Variants in ATP6V1C2 observed in about 807,000 individuals in gnomAD.
ATP6V1C2 encodes ATPase H+ transporting V1 subunit C2.
Under a neutral mutation model 56.8 loss-of-function variants are expected in ATP6V1C2, and 45 were observed. That is an observed-to-expected ratio of 0.79 (90% CI 0.62 to 1.02). The LOEUF is 1.02. Ranked by LOEUF, ATP6V1C2 falls within the 50% of genes least tolerant of loss-of-function variation. The probability of loss-of-function intolerance (pLI) is 0.00; values close to 1 mark genes in which losing one functional copy is unlikely to be tolerated. For synonymous variants in ATP6V1C2, 220 were observed against 201.3 expected, an observed-to-expected ratio of 1.09 and a Z score of -0.79; for missense variants, 463 against 519.7, an observed-to-expected ratio of 0.89 and a Z score of 1.06.
intron 3 of ATP6V1C2, among the ~76,000 whole-genome samples, chr2:10,744,676 T>C (rs1312226082): frequency 6.7e-6 from 1 of 148,592 alleles, no homozygotes; most frequent in Non-Finnish European, 1.5e-5. Flanking sequence ...TTTCTTTTTT[T>C]TTTTTTTTTT....
intron 4 of ATP6V1C2, among the ~76,000 whole-genome samples, chr2:10,758,448 G>T (rs1190296364): frequency 6.6e-6 from 1 of 152,048 alleles, no homozygotes; most frequent in Non-Finnish European, 1.5e-5. Flanking sequence ...ACTAGAGCTG[G>T]TAAAGCACAT....
intron 4 of ATP6V1C2, among the ~76,000 whole-genome samples, chr2:10,759,823 CAA>C (rs1156726648): frequency 1.3e-5 from 2 of 152,144 alleles, no homozygotes; most frequent in Non-Finnish European, 2.9e-5. Context: ...TATTATCTCA[CAA>C]TATCACTTTG....
chr2:10,785,028 TCCCTTAGGG>T lies in ATP6V1C2; in HGVS notation c.*1766_*1774del. The T allele has an allele frequency of 6.4e-7, 1 of 1,571,064 alleles. No individual in the cohort carries two copies. On this transcript the variant is annotated 3_prime_UTR_variant, in exon 14 of 14. Coordinates refer to ENST00000272238, the MANE Select transcript of ATP6V1C2 (RefSeq NM_001039362.2). ...CGTGGAGCCACGCCCAAAAGAGAGC[TCCCTTAGGG>T]AAAAATGACCAAAACACACACACAC... is the stretch of plus-strand genomic sequence containing the variant.
Position 10,763,596 on chromosome 2 carries a change from G to T in ATP6V1C2, c.284-735G>T, listed in dbSNP as rs1348234953. 6.6e-6 allele frequency among the ~76,000 whole-genome samples: 1 copy of T among 152,162 alleles called. No individual in the cohort carries two copies. Among genetic ancestry groups the T allele is most frequent in the Non-Finnish European group, 1.5e-5 (1 of 68,016 alleles). On this transcript the variant is annotated intron_variant, in intron 4 of 13. Transcript: ENST00000272238. This position sits in a 1 kb window ranked among gnomAD's most constrained non-coding sequence, Gnocchi z 4.2. ...CCATGGGAAGGGCCCTCTGCCAGGG[G>T]CACAGGAATTCCAGGGGCCACCGTG...
chr2:10,722,200 C>G (rs1047500585), intron 1 of ATP6V1C2, among the ~76,000 whole-genome samples: 1 of 152,094 alleles, frequency 6.6e-6, no homozygotes, highest in South Asian at 2.1e-4. Flanking sequence ...CAGACGCGGC[C>G]GCGAAACCAC....
At chr2:10,779,443 G>A (rs1200265878) in intron 12 of ATP6V1C2, among the ~76,000 whole-genome samples, 122 of 96,594 alleles carry the variant, frequency 1.3e-3, no homozygotes, top group African/African-American at 4.2e-3. Context: ...ATATATATAT[G>A]TATGTATATA....
intron 3 of ATP6V1C2, among the ~76,000 whole-genome samples, chr2:10,751,752 A>T (rs1383983850): frequency 2.0e-5 from 3 of 152,160 alleles, no homozygotes; most frequent in Non-Finnish European, 2.9e-5. Context: ...TGAGGCAATG[A>T]TTATAGAATG....
At chr2:10,762,024 C>T (rs749332799) in intron 4 of ATP6V1C2, among the ~76,000 whole-genome samples, 19 of 152,230 alleles carry the variant, frequency 1.2e-4, no homozygotes, top group Admixed American at 1.1e-3. Flanking sequence ...CCCTGCAGGG[C>T]GTTAGGTGCT....
At chr2:10,774,342 C>G (rs929446449) in intron 8 of ATP6V1C2, among the ~76,000 whole-genome samples, 3 of 152,202 alleles carry the variant, frequency 2.0e-5, no homozygotes, top group African/African-American at 7.2e-5. Context: ...CCCAGTGGTC[C>G]TGTGTTGAGA....
At chr2:10,732,908 T>C (rs969508067) in intron 3 of ATP6V1C2, among the ~76,000 whole-genome samples, 1 of 150,030 alleles carries the variant, frequency 6.7e-6, no homozygotes, top group African/African-American at 2.5e-5. Context: ...GAGGTGGAGG[T>C]TGCAGTGAGC....
chr2:10,724,286 G>A (rs1426921179), intron 2 of ATP6V1C2, among the ~76,000 whole-genome samples: 1 of 152,106 alleles, frequency 6.6e-6, no homozygotes, highest in African/African-American at 2.4e-5. Context: ...CAGCTACCAG[G>A]GTTGTAATGC....
intron 3 of ATP6V1C2, among the ~76,000 whole-genome samples, chr2:10,744,661 CTCTTTT>C (rs1233315359): frequency 6.8e-6 from 1 of 146,176 alleles, no homozygotes; most frequent in African/African-American, 2.5e-5. Context: ...GTTTTTTTTT[CTCTTTT>C]TCTTTTTTTT....
At chr2:10,755,680 C>T (rs886151311) in intron 4 of ATP6V1C2, among the ~76,000 whole-genome samples, 1 of 152,218 alleles carries the variant, frequency 6.6e-6, no homozygotes, top group African/African-American at 2.4e-5. Context: ...CCACTCTCCC[C>T]ACCTGGGCAA....
In ATP6V1C2 at chr2:10,779,426, A is replaced by T. The variant is rs1353581703; in HGVS notation, c.1061+757A>T. 1.4e-4 allele frequency among the ~76,000 whole-genome samples: 16 copies of T among 112,022 alleles called. No homozygotes were observed. The East Asian group carries it at 1.6e-3, about 11-fold the overall frequency. The allele number at this position is 112,022 out of a possible 152,430, so 73.5% of individuals were successfully genotyped here. On this transcript the variant is annotated intron_variant, in intron 12 of 13. Coordinates refer to ENST00000272238, the MANE Select transcript of ATP6V1C2 (RefSeq NM_001039362.2). ...GCCCGGCCTTTGCCTAATAAAAAAA[A>T]AAATATATATATATATGTATGTATA...
intron 4 of ATP6V1C2, among the ~76,000 whole-genome samples, chr2:10,759,913 TG>T (rs1663797670): frequency 6.6e-6 from 1 of 152,180 alleles, no homozygotes; most frequent in African/African-American, 2.4e-5. Context: ...TGAGCCTTAC[TG>T]GTTCAAAAGC....
chr2:10,721,968 AG>A (rs1661390281), intron 1 of ATP6V1C2, among the ~76,000 whole-genome samples: 1 of 152,178 alleles, frequency 6.6e-6, no homozygotes. Context: ...GCGCGGGGTT[AG>A]GAGAGAACAA....
rs147651089 is a variant in ATP6V1C2 at position 10,722,939 on chromosome 2, C to A, written c.90C>A (p.Asn30Lys). 1,706 of 1,614,064 alleles carry A rather than the reference C, an allele frequency of 1.1e-3. 1 individual carries two copies. Among genetic ancestry groups the A allele is most frequent in the Non-Finnish European group, 1.3e-3 (1,494 of 1,179,998 alleles). Reference protein sequence around the residue: ...ERMNTVTSKSNLSYNTKFAIP... With the variant: ...ERMNTVTSKSKLSYNTKFAIP... ...TGAATACTGTAACCTCCAAGTCCAACCTGTCTTATAATACCAAATTCGCTA... is the reference window on the plus strand; with the variant it reads ...TGAATACTGTAACCTCCAAGTCCAAACTGTCTTATAATACCAAATTCGCTA... Residue 30 changes from asparagine (N) to lysine (K), a missense_variant, in exon 2 of 14, where the codon AAC becomes AAA. Transcript: ENST00000272238.
intron 3 of ATP6V1C2, among the ~76,000 whole-genome samples, chr2:10,745,587 T>C (rs1330816247): frequency 3.9e-5 from 6 of 152,056 alleles, no homozygotes; most frequent in Non-Finnish European, 7.4e-5. Flanking sequence ...GTGATCCACC[T>C]ACCTCTGCCT....
intron 12 of ATP6V1C2, among the ~76,000 whole-genome samples, chr2:10,781,405 G>C (rs1665343219): frequency 1.3e-5 from 2 of 152,208 alleles, no homozygotes; most frequent in South Asian, 4.1e-4. Flanking sequence ...TTGAACCCAG[G>C]AAGTGGAGGC....
Sources: gnomAD v4.1 joint callset for allele counts (sites outside exome capture counted in the v4.1 genomes callset) on GRCh38, gnomAD v4.1.1 for gene constraint, Gnocchi (gnomAD v3.1) non-coding constraint, MANE v1.5 for transcripts, NCBI Gene and HGNC (gene_info 2026-07-23, HGNC 2026-07-21) for gene names.